PLA2R1: variants seen among roughly 807,000 people sequenced by gnomAD.
PLA2R1 encodes secretory phospholipase A2 receptor.
In PLA2R1, 158 loss-of-function variants were observed where a neutral mutation model predicts 195.9. That is an observed-to-expected ratio of 0.81 (90% CI 0.71 to 0.92). The LOEUF (loss-of-function observed/expected upper bound fraction) is 0.92. Ranked by LOEUF, PLA2R1 falls within the 40% of genes least tolerant of loss-of-function variation. The probability of loss-of-function intolerance (pLI) is 0.00; values close to 1 mark genes in which losing one functional copy is unlikely to be tolerated. For missense variants in PLA2R1, 1,626 were observed against 1,764.6 expected, an observed-to-expected ratio of 0.92 and a Z score of 1.41; for synonymous variants, 586 against 598.2, an observed-to-expected ratio of 0.98 and a Z score of 0.30.
At chr2:160,041,238 G>A (rs1480226395) in intron 3 of PLA2R1, among the ~76,000 whole-genome samples, 1 of 152,164 alleles carries the variant, frequency 6.6e-6, no homozygotes, top group African/African-American at 2.4e-5. Flanking sequence ...GGGGAGGCAG[G>A]CATGGGAGAT....
rs1694895252 is a variant in PLA2R1 at position 160,046,648 on chromosome 2, C to T, written c.110-1491G>A. Among the ~76,000 whole-genome samples the T allele has an allele frequency of 4.6e-5, 7 of 152,224 alleles. 1 individual carries two copies. The South Asian group carries it at 1.0e-3, about 23-fold the overall frequency. ...CCTCATCTAATAGTTGATGACCTTA[C>T]CTATAGCCATAGATTTGAGGAGTTG... is the stretch of plus-strand genomic sequence containing the variant. On this transcript the variant is annotated intron_variant, in intron 1 of 29. Coordinates refer to ENST00000283243, the MANE Select transcript of PLA2R1 (RefSeq NM_007366.5).
chr2:160,007,231 C>G (rs1432601608), intron 10 of PLA2R1, among the ~76,000 whole-genome samples: 1 of 152,174 alleles, frequency 6.6e-6, no homozygotes, highest in Admixed American at 6.5e-5. Context: ...TTCATGCTCT[C>G]AATAATATAC....
chr2:160,062,529 AC>A lies in PLA2R1; in HGVS notation c.-127del, dbSNP rs11285500. 0.99 allele frequency: 1,368,575 copies of A among 1,387,754 alleles called. 676,516 individuals carry two copies. The highest frequency in any genetic ancestry group is 1 in the East Asian group (32,804 of 32,806). 86.0% of individuals were successfully genotyped at this position (1,387,754 alleles called of 1,614,324 possible). On this transcript the variant is annotated 5_prime_UTR_variant, in exon 1 of 30. Transcript: ENST00000283243. Reference sequence around the variant, plus strand: ...GGATCCGTAGCCTCCTCCGCGCCCCACCCCCTCCGGGGGCCTTGCCAGCCCA... The same window carrying A: ...GGATCCGTAGCCTCCTCCGCGCCCCACCCCTCCGGGGGCCTTGCCAGCCCA...
In PLA2R1 at chr2:159,962,912, T is replaced by TACCTAATG. The variant is rs764868587; in HGVS notation, c.2904+4626_2904+4627insCATTAGGT. 8.0e-3 allele frequency among the ~76,000 whole-genome samples: 1,219 copies of TACCTAATG among 152,190 alleles called. 5 individuals are homozygous for TACCTAATG. Among genetic ancestry groups the TACCTAATG allele is most frequent in the Non-Finnish European group, 0.012 (837 of 67,998 alleles). On this transcript the variant is annotated intron_variant, in intron 20 of 29. Transcript: ENST00000283243. ...CTGGGGGCCTAGGGGAGGGATAACA[T>TACCTAATG]TAGGAGCAATACCTAATGTAGGTGA...
intron 1 of PLA2R1, among the ~76,000 whole-genome samples, chr2:160,045,710 A>G (rs1176270493): frequency 6.6e-6 from 1 of 152,214 alleles, no homozygotes; most frequent in African/African-American, 2.4e-5. Context: ...TCAGAATACA[A>G]TGTTTCTCAG....
chr2:160,014,304 C>T (rs1692590571), intron 9 of PLA2R1, among the ~76,000 whole-genome samples: 1 of 146,868 alleles, frequency 6.8e-6, no homozygotes, highest in African/African-American at 2.5e-5. Flanking sequence ...AGAAAGTAAG[C>T]TTTGGCACTC....
Position 159,955,750 on chromosome 2 carries a change from A to G in PLA2R1, c.3101T>C (p.Leu1034Pro). Residue 1034 changes from leucine (L) to proline (P), a missense_variant, in exon 22 of 30, where the codon CTA (leucine) becomes CCA (proline). By Grantham distance (98) the Leu-to-Pro change is moderately conservative. Transcript: ENST00000283243. The stretch of plus-strand genomic sequence containing the variant: ...AGAATATACCACAGGCTTTCCATTT[A>G]GCCATGTTTCATAATCATCATTTTG... Reference protein sequence around the residue: ...GLQNDDYETWLNGKPVVYSNW... With the variant: ...GLQNDDYETWPNGKPVVYSNW... 6.3e-7 allele frequency: 1 copy of G among 1,582,670 alleles called. No individual in the cohort carries two copies. Among genetic ancestry groups the G allele is most frequent in the Non-Finnish European group, 8.7e-7 (1 of 1,154,810 alleles).
intron 25 of PLA2R1, among the ~76,000 whole-genome samples, chr2:159,948,331 C>T (rs1245208491): frequency 6.6e-6 from 1 of 152,094 alleles, no homozygotes; most frequent in Non-Finnish European, 1.5e-5. Flanking sequence ...AACTCCTGGG[C>T]TCAAGTGATC....
At chr2:160,054,357 G>T (rs1313422091) in intron 1 of PLA2R1, among the ~76,000 whole-genome samples, 1 of 152,146 alleles carries the variant, frequency 6.6e-6, no homozygotes, top group Non-Finnish European at 1.5e-5. Flanking sequence ...CAGTCATGAT[G>T]ATCACTTTAT....
At chr2:159,972,952 G>C (rs527932945) in intron 17 of PLA2R1, among the ~76,000 whole-genome samples, 2 of 152,232 alleles carry the variant, frequency 1.3e-5, no homozygotes, top group South Asian at 4.1e-4. Flanking sequence ...TATCTAGCTT[G>C]CTTGTTCATA....
intron 6 of PLA2R1, among the ~76,000 whole-genome samples, chr2:160,026,851 T>C (rs1291150169): frequency 6.6e-6 from 1 of 152,158 alleles, no homozygotes; most frequent in Non-Finnish European, 1.5e-5. Context: ...CTTGGAATTT[T>C]AGGCTGCGCG....
Position 159,937,543 on chromosome 2 carries a change from A to G in PLA2R1, c.*4235T>C, listed in dbSNP as rs535882749. On this transcript the variant is annotated 3_prime_UTR_variant, in exon 30 of 30. Coordinates refer to ENST00000283243, the MANE Select transcript of PLA2R1 (RefSeq NM_007366.5). ...AAGCTTGTTAATACTCATCCTCACA[A>G]CTCACATAGAAATCTAAGATAAATC... The G allele has an allele frequency of 5.3e-5, 8 of 152,312 alleles. No homozygotes were observed. The East Asian group carries it at 1.5e-3, about 29-fold the overall frequency. The allele number at this position is 152,312 out of a possible 1,614,324, so 9.4% of individuals were successfully genotyped here. A position where few individuals can be genotyped will look rare whatever the true frequency, so the allele number is the denominator to read the frequency against.
chr2:160,006,798 C>G (rs185644210), intron 10 of PLA2R1, among the ~76,000 whole-genome samples: 8 of 152,186 alleles, frequency 5.3e-5, no homozygotes, highest in Non-Finnish European at 5.9e-5. Flanking sequence ...CAAATTAGAT[C>G]TTTTCATTCA....
chr2:160,061,540 G>A (rs766292610), intron 1 of PLA2R1, among the ~76,000 whole-genome samples: 1 of 152,144 alleles, frequency 6.6e-6, no homozygotes, highest in African/African-American at 2.4e-5. Flanking sequence ...TTGGGAGGAC[G>A]AGGTGGGCGG....
At chr2:159,942,459 T>C (rs988509685) in intron 28 of PLA2R1, among the ~76,000 whole-genome samples, 2 of 152,212 alleles carry the variant, frequency 1.3e-5, no homozygotes, top group African/African-American at 4.8e-5. Context: ...CTCACAAACA[T>C]ACACCCTGCT....
At position 160,022,705 on chromosome 2, in the gene PLA2R1, T is replaced by C; in HGVS notation, c.1254A>G (p.Ser418=). 1 of 1,607,672 alleles carries C rather than the reference T, an allele frequency of 6.2e-7. No individual in the cohort carries two copies. The change falls in exon 7 of 30, where the codon TCA becomes TCG. Residue 418 remains serine, a synonymous_variant. Transcript: ENST00000283243. ...ADNSALIDIT[S]LAEVEFLVTL... is the part of the protein sequence containing the mutation. ...TTACAAGAAACTCCACCTCTGCTAATGAGGTTATGTCTATTAATGCACTGT... is the reference window on the plus strand; with the variant it reads ...TTACAAGAAACTCCACCTCTGCTAACGAGGTTATGTCTATTAATGCACTGT...
chr2:160,004,576 G>C (rs1408741350), intron 11 of PLA2R1, among the ~76,000 whole-genome samples: 1 of 152,186 alleles, frequency 6.6e-6, no homozygotes, highest in Non-Finnish European at 1.5e-5. Context: ...AGAGCTCCGG[G>C]CCTTCAGGGA....
intron 28 of PLA2R1, among the ~76,000 whole-genome samples, chr2:159,944,184 C>T (rs1032919925): frequency 6.6e-6 from 1 of 152,156 alleles, no homozygotes; most frequent in African/African-American, 2.4e-5. Flanking sequence ...TTCTTAGTTG[C>T]TGCCTTTAAT....
intron 11 of PLA2R1, among the ~76,000 whole-genome samples, chr2:159,993,297 G>A (rs1425467465): frequency 3.3e-5 from 5 of 151,958 alleles, no homozygotes; most frequent in African/African-American, 1.2e-4. Flanking sequence ...TCCCTTTGTT[G>A]TTGCTTTTTA....
Sources: gnomAD v4.1 joint callset for allele counts (sites outside exome capture counted in the v4.1 genomes callset) on GRCh38, gnomAD v4.1.1 for gene constraint, MANE v1.5 for transcripts, NCBI Gene and HGNC (gene_info 2026-07-23, HGNC 2026-07-21) for gene names.